Variants in PPP2R2C observed in about 807,000 individuals in gnomAD.
PPP2R2C encodes the protein protein phosphatase 2, regulatory subunit B, gamma.
PPP2R2C carries 10 observed loss-of-function variants against 45.3 expected under a neutral mutation model. That is an observed-to-expected ratio of 0.22 (90% CI 0.14 to 0.37). PPP2R2C has a LOEUF of 0.37. Ranked by LOEUF, PPP2R2C falls within the 10% of genes least tolerant of loss-of-function variation. PPP2R2C has a pLI of 1.00. For missense variants in PPP2R2C, 308 were observed against 619.7 expected (o/e 0.50, Z 5.34); for synonymous variants, 257 against 245.4 (o/e 1.05, Z -0.44).
At chr4:6,457,722 T>A (rs1237066704) in intron 1 of PPP2R2C, among the ~76,000 whole-genome samples, 1 of 152,178 alleles carries the variant, frequency 6.6e-6, no homozygotes, top group East Asian at 1.9e-4. Flanking sequence ...TGGTACAATG[T>A]AATTTAAAGC....
intron 1 of PPP2R2C, among the ~76,000 whole-genome samples, chr4:6,549,741 G>T (rs1211163976): frequency 6.6e-6 from 1 of 152,206 alleles, no homozygotes; most frequent in East Asian, 1.9e-4. Context: ...GGAGCCCACG[G>T]ATGAGCTTTA....
intron 5 of PPP2R2C, among the ~76,000 whole-genome samples, chr4:6,360,228 T>C (rs1192496748): frequency 6.6e-6 from 1 of 152,232 alleles, no homozygotes; most frequent in Non-Finnish European, 1.5e-5. Context: ...GAGTAAGGAC[T>C]GAAATCCTGG....
intron 2 of PPP2R2C, among the ~76,000 whole-genome samples, chr4:6,510,409 A>G (rs1432080435): frequency 2.0e-5 from 3 of 152,168 alleles, no homozygotes; most frequent in Non-Finnish European, 4.4e-5. Context: ...TTCCCTGGAC[A>G]TCCAGCCTCA....
At chr4:6,366,247 G>C (rs533812344) in intron 5 of PPP2R2C, among the ~76,000 whole-genome samples, 82 of 152,334 alleles carry the variant, frequency 5.4e-4, no homozygotes, top group Admixed American at 8.5e-4. Flanking sequence ...CAGGGAAGCT[G>C]ATGGCCCAGC....
At chr4:6,384,866 G>A (rs1285456706) in intron 1 of PPP2R2C, 2 of 985,040 alleles carry the variant, frequency 2.0e-6, no homozygotes, top group Non-Finnish European at 2.4e-6. Flanking sequence ...AGACAGAAGT[G>A]CTGGTTGGAG....
At position 6,541,034 on chromosome 4, in the gene PPP2R2C, T is replaced by C. The variant is rs375093632; in HGVS notation, c.-58-5657A>G. Among the ~76,000 whole-genome samples the C allele has an allele frequency of 2.0e-5, 3 of 152,122 alleles. No homozygotes were observed. The East Asian group carries it at 5.8e-4, about 29-fold the overall frequency. The stretch of plus-strand genomic sequence containing the variant: ...TTCATGATTACAAAATGGCTGCCAT[T>C]GCTCCAGCCATCACATTCCAGACAA... On this transcript the variant is annotated intron_variant, in intron 1 of 9. Coordinates refer to the PPP2R2C transcript ENST00000506140.
At chr4:6,383,035 G>GC in intron 1 of PPP2R2C, 3 of 1,079,058 alleles carry the variant, frequency 2.8e-6, no homozygotes, top group Non-Finnish European at 3.4e-6. Flanking sequence ...CCTGTTCTCT[G>GC]CCCCCCACCT....
At chr4:6,371,543 C>T (rs561953326) in intron 5 of PPP2R2C, among the ~76,000 whole-genome samples, 2 of 152,312 alleles carry the variant, frequency 1.3e-5, no homozygotes, top group Non-Finnish European at 2.9e-5. Context: ...CCTTCCAAGA[C>T]ACACCTGGGT....
chr4:6,350,241 C>T, intron 5 of PPP2R2C: 1 of 985,454 alleles, frequency 1.0e-6, no homozygotes, highest in Non-Finnish European at 1.2e-6. Flanking sequence ...GTCCACCTGG[C>T]AGCCCAGCCC....
Position 6,546,405 on chromosome 4 carries a change from A to G in PPP2R2C, c.-58-11028T>C, listed in dbSNP as rs148716361. 3.6e-3 allele frequency among the ~76,000 whole-genome samples: 554 copies of G among 152,324 alleles called. 1 individual carries two copies. Among genetic ancestry groups the G allele is most frequent in the Non-Finnish European group, 6.3e-3 (426 of 68,028 alleles). ...GGAATAATAGTATCTTGAGATTACTAAAATCTGCAGCATCTCATTAATCCT... is the reference window on the plus strand; with the variant it reads ...GGAATAATAGTATCTTGAGATTACTGAAATCTGCAGCATCTCATTAATCCT... On this transcript the variant is annotated intron_variant, in intron 1 of 9. Transcript: ENST00000506140.
intron 2 of PPP2R2C, among the ~76,000 whole-genome samples, chr4:6,481,505 C>A (rs1228752712): frequency 6.6e-6 from 1 of 152,154 alleles, no homozygotes; most frequent in Non-Finnish European, 1.5e-5. Flanking sequence ...TATTCTGTTC[C>A]ATTGGTCTTT....
chr4:6,457,435 A>C (rs1282200539), intron 1 of PPP2R2C, among the ~76,000 whole-genome samples: 1 of 152,010 alleles, frequency 6.6e-6, no homozygotes, highest in Non-Finnish European at 1.5e-5. Context: ...ACAGTGGTGC[A>C]ATCATAGCTC....
In PPP2R2C at chr4:6,368,994, T is replaced by C. The variant is rs13104457; in HGVS notation, c.625+3529A>G. Among the ~76,000 whole-genome samples, 135,649 of 152,232 alleles carry C rather than the reference T, an allele frequency of 0.89. 61,305 individuals are homozygous for C. The highest frequency in any genetic ancestry group is 1 in the East Asian group (5,185 of 5,186). ...ATGCAGACGGGGAGACAGGATTCAA[T>C]CCTTCTGATGAATGAAGGGGGATGT... On this transcript the variant is annotated intron_variant, in intron 5 of 8. Transcript: ENST00000382599. The surrounding 1 kb of genome is among the most constrained non-coding windows in gnomAD (Gnocchi z 4.2).
chr4:6,465,146 T>TA (rs1721528640), intron 1 of PPP2R2C, among the ~76,000 whole-genome samples: 1 of 151,482 alleles, frequency 6.6e-6, no homozygotes, highest in Non-Finnish European at 1.5e-5. Flanking sequence ...AAGACAGGAA[T>TA]AAAAAAATCT....
chr4:6,428,478 T>C (rs944749072), intron 1 of PPP2R2C, among the ~76,000 whole-genome samples: 2 of 152,204 alleles, frequency 1.3e-5, no homozygotes, highest in African/African-American at 4.8e-5. Flanking sequence ...GCTCAGGTGG[T>C]TCTTTTTAGA....
chr4:6,467,724 A>G (rs1357517880), intron 1 of PPP2R2C, among the ~76,000 whole-genome samples: 2 of 152,178 alleles, frequency 1.3e-5, no homozygotes, highest in Non-Finnish European at 2.9e-5. Context: ...CGGAGACTTG[A>G]AAGTGCACAA....
chr4:6,395,895 C>T (rs1716998819), intron 1 of PPP2R2C, among the ~76,000 whole-genome samples: 1 of 152,188 alleles, frequency 6.6e-6, no homozygotes, highest in Non-Finnish European at 1.5e-5. Flanking sequence ...CCCAGGCCCC[C>T]TCTCTGCAGG....
At chr4:6,379,118 T>C (rs144008287) in intron 2 of PPP2R2C, among the ~76,000 whole-genome samples, 87 of 152,074 alleles carry the variant, frequency 5.7e-4, no homozygotes, top group Admixed American at 2.9e-3. Context: ...GAGGAATAAA[T>C]GAATTTGGGA....
intron 2 of PPP2R2C, among the ~76,000 whole-genome samples, chr4:6,491,920 T>C (rs1461574635): frequency 6.6e-6 from 1 of 152,140 alleles, no homozygotes; most frequent in Non-Finnish European, 1.5e-5. Flanking sequence ...AATTACCCAG[T>C]CTCAGGTAGT....
Sources: gnomAD v4.1 joint callset for allele counts (sites outside exome capture counted in the v4.1 genomes callset) on GRCh38, gnomAD v4.1.1 for gene constraint, Gnocchi (gnomAD v3.1) non-coding constraint, MANE v1.5 for transcripts, NCBI Gene and HGNC (gene_info 2026-07-23, HGNC 2026-07-21) for gene names.